The following HIPK2 variants were observed in gnomAD, a reference collection of about 807,000 sequenced individuals.
HIPK2 encodes the protein homeodomain interacting protein kinase 2, also known as homeodomain-interacting protein kinase 2.
In HIPK2, 27 loss-of-function variants were observed where a neutral mutation model predicts 113.7. That is an observed-to-expected ratio of 0.24 (90% CI 0.17 to 0.33). HIPK2 has a LOEUF of 0.33. Ranked by LOEUF, HIPK2 falls within the 10% of genes least tolerant of loss-of-function variation. The pLI, the probability that HIPK2 is intolerant of heterozygous loss-of-function variation, is 1.00. For synonymous variants in HIPK2, 631 were observed against 642.2 expected (o/e 0.98, Z 0.26); for missense variants, 1,257 against 1,588.0 (o/e 0.79, Z 3.54).
intron 1 of HIPK2, among the ~76,000 whole-genome samples, chr7:139,719,725 A>T (rs1293633464): frequency 6.6e-6 from 1 of 152,240 alleles, no homozygotes; most frequent in Non-Finnish European, 1.5e-5. Flanking sequence ...ACATTCATAG[A>T]CAAGAAGGTG....
rs1032618544 is a variant in HIPK2, at chr7:139,566,665, C to A, written c.*6262G>T. On this transcript the variant is annotated 3_prime_UTR_variant, in exon 15 of 15. Transcript: ENST00000406875. The surrounding 1 kb of genome is among the most constrained non-coding windows in gnomAD (Gnocchi z 4.1). ...CTTATCTATAAATGGGGGCTGTTAT[C>A]CCCCTCCCTGTGGGATGGCTGTTGG... 6.6e-6 allele frequency: 1 copy of A among 152,212 alleles called. No individual in the cohort carries two copies. Among genetic ancestry groups the A allele is most frequent in the South Asian group, 2.1e-4 (1 of 4,826 alleles). 9.4% of individuals were successfully genotyped at this position (152,212 alleles called of 1,614,324 possible).
At chr7:139,749,498 G>T (rs1472852399) in intron 1 of HIPK2, among the ~76,000 whole-genome samples, 1 of 152,210 alleles carries the variant, frequency 6.6e-6, no homozygotes, top group Non-Finnish European at 1.5e-5. Context: ...AGTTTACCCT[G>T]CTGGAAAATG....
chr7:139,769,509 C>A (rs1357631067), intron 1 of HIPK2, among the ~76,000 whole-genome samples: 3 of 152,236 alleles, frequency 2.0e-5, no homozygotes, highest in Admixed American at 6.5e-5. Flanking sequence ...CAAACACTTA[C>A]CATTCTCATC....
chr7:139,716,498 G>T lies in HIPK2; in HGVS notation c.537C>A (p.Asn179Lys). The T allele has an allele frequency of 6.2e-7, 1 of 1,614,042 alleles. No individual in the cohort carries two copies. The highest frequency in any genetic ancestry group is 1.1e-5 in the South Asian group (1 of 91,090). The change falls in exon 2 of 15, where the codon AAC becomes AAA. Residue 179 changes from asparagine (N) to lysine (K), a missense_variant. This residue lies in a region of HIPK2 where 209 missense variants were observed against 237.8 expected (regional missense o/e 0.88). Transcript: ENST00000406875. This position sits in a 1 kb window ranked among gnomAD's most constrained non-coding sequence, Gnocchi z 9.3. The part of the protein sequence containing the change: ...STATSKNSGS[N>K]SEGDYQLVQH... The stretch of plus-strand genomic sequence containing the variant: ...GCACCAGCTGATAGTCGCCCTCGCT[G>T]TTGGAGCCGCTGTTTTTGGAGGTGG...
chr7:139,726,725 G>T (rs1231110661), intron 1 of HIPK2, among the ~76,000 whole-genome samples: 3 of 152,206 alleles, frequency 2.0e-5, no homozygotes, highest in African/African-American at 7.2e-5. Flanking sequence ...AAATCAATAG[G>T]ATGGGCTGGG....
chr7:139,622,450 T>C (rs1293490604), intron 6 of HIPK2, among the ~76,000 whole-genome samples: 1 of 152,212 alleles, frequency 6.6e-6, no homozygotes, highest in Non-Finnish European at 1.5e-5. Flanking sequence ...AAGCATTTGG[T>C]TTCGTGACAA....
chr7:139,750,995 C>G (rs767840720), intron 1 of HIPK2, among the ~76,000 whole-genome samples: 4 of 152,120 alleles, frequency 2.6e-5, no homozygotes, highest in Non-Finnish European at 4.4e-5. Flanking sequence ...CTTTTTCTTC[C>G]TAACTTTGAA....
chr7:139,620,421 G>A lies in HIPK2; in HGVS notation c.1762C>T (p.Leu588=). Residue 588 remains leucine, a synonymous_variant, in exon 7 of 15, where the codon CTG becomes TTG. Transcript: ENST00000406875. ...TNLTMTFNNQ[L]TTVHNQAPSS... is the part of the protein sequence containing the mutation. ...CTTACCTGGTTGTGGACAGTGGTCA[G>A]CTGGTTGTTAAAGGTCATGGTCAGG... is the stretch of plus-strand genomic sequence containing the variant. 1 of 1,613,992 alleles carries A rather than the reference G, an allele frequency of 6.2e-7. No individual in the cohort carries two copies. Among genetic ancestry groups the A allele is most frequent in the East Asian group, 2.2e-5 (1 of 44,874 alleles).
intron 2 of HIPK2, among the ~76,000 whole-genome samples, chr7:139,662,204 T>A (rs1487072672): frequency 6.6e-6 from 1 of 152,188 alleles, no homozygotes; most frequent in Non-Finnish European, 1.5e-5. Context: ...TTAGCTAACA[T>A]CCAGCCAGCG....
At chr7:139,629,264 G>C (rs931489258) in intron 4 of HIPK2, among the ~76,000 whole-genome samples, 4 of 152,128 alleles carry the variant, frequency 2.6e-5, no homozygotes, top group Non-Finnish European at 5.9e-5. Context: ...CTCCGGGTCA[G>C]GTATGGAGCA....
At chr7:139,733,625 T>C (rs573237724) in intron 1 of HIPK2, among the ~76,000 whole-genome samples, 3 of 152,310 alleles carry the variant, frequency 2.0e-5, no homozygotes, top group African/African-American at 7.2e-5. Flanking sequence ...AAAACACAAA[T>C]ATAGAAAAAT....
At chr7:139,600,177 A>G (rs1799369511) in intron 11 of HIPK2, among the ~76,000 whole-genome samples, 1 of 152,092 alleles carries the variant, frequency 6.6e-6, no homozygotes, top group Non-Finnish European at 1.5e-5. Context: ...TGCCCACTGC[A>G]AGATTCCATT....
intron 9 of HIPK2, 84 bp from the exon 10 acceptor site, chr7:139,604,307 G>A: frequency 6.5e-7 from 1 of 1,527,618 alleles, no homozygotes; most frequent in Non-Finnish European, 8.8e-7. Flanking sequence ...TCTGTGCCTG[G>A]GGTTGTGCTA....
intron 5 of HIPK2, 48 bp from the exon 6 acceptor site, chr7:139,626,833 C>T (rs770000448): frequency 6.2e-6 from 10 of 1,604,146 alleles, no homozygotes; most frequent in Non-Finnish European, 8.5e-6. Flanking sequence ...CAGCGTGCCT[C>T]CCCTCTCCTG....
intron 2 of HIPK2, among the ~76,000 whole-genome samples, chr7:139,700,240 G>A (rs1794670061): frequency 6.6e-6 from 1 of 152,120 alleles, no homozygotes; most frequent in Non-Finnish European, 1.5e-5. Context: ...ACCACAGCCT[G>A]GGGACCCTCA....
At chr7:139,739,500 T>C (rs867806570) in intron 1 of HIPK2, among the ~76,000 whole-genome samples, 3 of 151,910 alleles carry the variant, frequency 2.0e-5, no homozygotes, top group East Asian at 3.9e-4. Flanking sequence ...GGCAGGAGAA[T>C]TGCTTGAACC....
At chr7:139,691,141 G>T (rs962283178) in intron 2 of HIPK2, among the ~76,000 whole-genome samples, 4 of 152,152 alleles carry the variant, frequency 2.6e-5, no homozygotes, top group Non-Finnish European at 4.4e-5. Flanking sequence ...TCTTTTCTTT[G>T]GACAAAAGGA....
intron 1 of HIPK2, among the ~76,000 whole-genome samples, chr7:139,732,738 C>CATAT (rs72441650): frequency 6.8e-6 from 1 of 147,640 alleles, no homozygotes; most frequent in African/African-American, 2.5e-5. Flanking sequence ...AGTAAATGAA[C>CATAT]ATATATATAT....
intron 1 of HIPK2, among the ~76,000 whole-genome samples, chr7:139,750,869 C>T (rs1314135869): frequency 6.6e-6 from 1 of 152,210 alleles, no homozygotes; most frequent in East Asian, 1.9e-4. Flanking sequence ...CCTGGTGCAC[C>T]TTCCTTCTCT....
Sources: allele counts gnomAD v4.1 joint callset (sites outside exome capture counted in the v4.1 genomes callset), GRCh38; gene constraint gnomAD v4.1.1; regional missense constraint gnomAD v4.1.1; non-coding constraint Gnocchi (gnomAD v3.1); transcripts MANE v1.5; gene names NCBI Gene and HGNC (gene_info 2026-07-23, HGNC 2026-07-21).